OR4C11: variants seen among roughly 807,000 people sequenced by gnomAD.
OR4C11 encodes olfactory receptor 4C11.
OR4C11 carries 15 observed loss-of-function variants against 14.7 expected under a neutral mutation model. The ratio of observed to expected loss-of-function variants is 1.02; its 90% CI spans 0.68 to 1.58. The LOEUF (loss-of-function observed/expected upper bound fraction) is 1.58. Ranked by LOEUF, OR4C11 falls within the 40% of genes most tolerant of loss-of-function variation. The pLI is 0.00. For missense variants in OR4C11, 473 were observed against 383.0 expected (o/e 1.24, Z -1.96); for synonymous variants, 146 against 135.0 (o/e 1.08, Z -0.57).
At position 55,603,249 on chromosome 11, in the gene OR4C11, T is replaced by C. The variant is rs531373187; in HGVS notation, c.*192A>G. 63 of 437,268 alleles carry C rather than the reference T, an allele frequency of 1.4e-4. 4 individuals carry two copies. The South Asian group carries it at 2.2e-3, about 15-fold the overall frequency. The allele number at this position is 437,268 out of a possible 1,614,324, so 27.1% of individuals were successfully genotyped here. ...TAATCACCTGAATTAATCTATATTC[T>C]ACCTAGTTCTGGCACAAAAGACAAT... On this transcript the variant is annotated 3_prime_UTR_variant, in exon 4 of 4. Coordinates refer to ENST00000641580, the MANE Select transcript of OR4C11 (RefSeq NM_001004700.3).
At chr11:55,606,210 G>GCA (rs35363992) in intron 2 of OR4C11, among the ~76,000 whole-genome samples, 24,401 of 132,512 alleles carry the variant, frequency 0.18, 5,462 homozygotes, top group South Asian at 0.41. Flanking sequence ...GCACACGCAC[G>GCA]CACACACACA....
intron 2 of OR4C11, 115 bp downstream of exon 2, chr11:55,606,407 C>T (rs1452805712): frequency 7.2e-6 from 1 of 138,412 alleles, no homozygotes; most frequent in African/African-American, 2.5e-5. Flanking sequence ...GGGGAAATTG[C>T]ATTCTTGGCA....
chr11:55,604,210 C>T lies in OR4C11; in HGVS notation c.164G>A (p.Ser55Asn), dbSNP rs763333827. Residue 55 changes from serine to asparagine, a missense_variant, in exon 4 of 4, where the codon AGC (serine) becomes AAC (asparagine). Coordinates refer to ENST00000641580, the MANE Select transcript of OR4C11 (RefSeq NM_001004700.3). ...VTIKSSRTLG[S>N]PMYFFLFYLS... ...ATAAAATAGAAAGAAGTACATGGGG[C>T]TTCCTAGTGTCCGGCTGGACTTGAT... 3.4e-6 allele frequency: 5 copies of T among 1,482,702 alleles called. 1 individual carries two copies. The highest frequency in any genetic ancestry group is 4.6e-6 in the Non-Finnish European group (5 of 1,089,388). 91.8% of individuals were successfully genotyped at this position (1,482,702 alleles called of 1,614,324 possible).
In OR4C11 at chr11:55,603,711, A is replaced by G; in HGVS notation, c.663T>C (p.His221=). Residue 221 remains histidine, a synonymous_variant, in exon 4 of 4, where the codon CAT becomes CAC. Coordinates refer to ENST00000641580, the MANE Select transcript of OR4C11 (RefSeq NM_001004700.3). ...ILIISYIVIL[H]SLRNHSAKGK... ...CTTTGGCACTGTGGTTTCTCAGTGA[A>G]TGCAAGATGACAATATATGAAATTA... The G allele has an allele frequency of 6.7e-7, 1 of 1,490,118 alleles. No individual in the cohort carries two copies. Among genetic ancestry groups the G allele is most frequent in the Non-Finnish European group, 9.1e-7 (1 of 1,095,174 alleles). The allele number at this position is 1,490,118 out of a possible 1,614,324, so 92.3% of individuals were successfully genotyped here.
In OR4C11 at chr11:55,606,332, C is replaced by T. The variant is rs1857960687; in HGVS notation, c.-207+190G>A. On this transcript the variant is annotated intron_variant, in intron 2 of 3. Coordinates refer to ENST00000641580, the MANE Select transcript of OR4C11 (RefSeq NM_001004700.3). ...ACATCAGTACAATATATACTACACA[C>T]ACCTGCATATTTCTATACATGAATT... Among the ~76,000 whole-genome samples the T allele has an allele frequency of 2.2e-5, 3 of 137,984 alleles. 1 individual carries two copies. Among genetic ancestry groups the T allele is most frequent in the Non-Finnish European group, 3.2e-5 (2 of 62,098 alleles). 90.5% of individuals were successfully genotyped at this position (137,984 alleles called of 152,430 possible).
chr11:55,602,604 G>A lies in OR4C11; in HGVS notation c.*837C>T, dbSNP rs1291038743. ...TTTAGGGAGAACCCACTAGAGACAAGTGTCCTGAGTGTTTTCTGAATTCCT... is the reference window on the plus strand; with the variant it reads ...TTTAGGGAGAACCCACTAGAGACAAATGTCCTGAGTGTTTTCTGAATTCCT... On this transcript the variant is annotated 3_prime_UTR_variant, in exon 4 of 4. Transcript: ENST00000641580. The A allele has an allele frequency of 2.2e-5, 3 of 138,128 alleles. 1 individual carries two copies. Among genetic ancestry groups the A allele is most frequent in the Non-Finnish European group, 3.2e-5 (2 of 62,036 alleles). 8.6% of individuals were successfully genotyped at this position (138,128 alleles called of 1,614,324 possible). A position where few individuals can be genotyped will look rare whatever the true frequency, so the allele number is the denominator to read the frequency against.
At chr11:55,605,900 T>G (rs144341748) in intron 2 of OR4C11, among the ~76,000 whole-genome samples, 4 of 138,600 alleles carry the variant, frequency 2.9e-5, no homozygotes, top group African/African-American at 1.0e-4. Context: ...TTGACAAAGG[T>G]GTGGGAAACC....
chr11:55,606,218 A>G (rs1427920159), intron 2 of OR4C11, among the ~76,000 whole-genome samples: 1 of 138,108 alleles, frequency 7.2e-6, no homozygotes, highest in Non-Finnish European at 1.6e-5. Context: ...ACGCACACAC[A>G]CACACACACA....
chr11:55,605,133 A>G lies in OR4C11; in HGVS notation c.-52T>C, dbSNP rs1258517917. ...TATTTCCTTTTAATTTACCTCTGAA[A>G]ATTTTCTAATTATTTTCAGTTCCAA... On this transcript the variant is annotated 5_prime_UTR_variant, in exon 3 of 4. Coordinates refer to ENST00000641580, the MANE Select transcript of OR4C11 (RefSeq NM_001004700.3). The G allele has an allele frequency of 1.4e-5, 2 of 138,508 alleles. No homozygotes were observed. Among genetic ancestry groups the G allele is most frequent in the African/African-American group, 5.0e-5 (2 of 39,996 alleles). 8.6% of individuals were successfully genotyped at this position (138,508 alleles called of 1,614,324 possible). A position where few individuals can be genotyped will look rare whatever the true frequency, so the allele number is the denominator to read the frequency against.
At chr11:55,605,707 T>C (rs1857951942) in intron 2 of OR4C11, among the ~76,000 whole-genome samples, 1 of 138,278 alleles carries the variant, frequency 7.2e-6, no homozygotes, top group South Asian at 2.3e-4. Flanking sequence ...ATGACACAAA[T>C]GAACATTGGA....
chr11:55,604,338 C>G lies in OR4C11; in HGVS notation c.36G>C (p.Leu12=). The stretch of plus-strand genomic sequence containing the variant: ...TCAAGGGATCCTGTGTTAATCCTAA[C>G]AGTATGAATTCAGGCACACTGTTAT... ...QQNNSVPEFI[L]LGLTQDPLRQ... The change falls in exon 4 of 4, where the codon CTG becomes CTC. Residue 12 remains leucine (L), a synonymous_variant. Coordinates refer to ENST00000641580, the MANE Select transcript of OR4C11 (RefSeq NM_001004700.3). 1 of 1,397,698 alleles carries G rather than the reference C, an allele frequency of 7.2e-7. No homozygotes were observed. The highest frequency in any genetic ancestry group is 2.6e-5 in the East Asian group (1 of 38,176). The allele number at this position is 1,397,698 out of a possible 1,614,324, so 86.6% of individuals were successfully genotyped here. A position where few individuals can be genotyped will look rare whatever the true frequency, so the allele number is the denominator to read the frequency against.
Position 55,604,408 on chromosome 11 carries a change from A to C in OR4C11, c.-35T>G. On this transcript the variant is annotated 5_prime_UTR_variant, in exon 4 of 4. Coordinates refer to ENST00000641580, the MANE Select transcript of OR4C11 (RefSeq NM_001004700.3). ...TGATGTGAAGAAACCACAGATTAGA[A>C]CTAGTTAATCTGCAAAAGAAAAAAA... 2 of 878,424 alleles carry C rather than the reference A, an allele frequency of 2.3e-6. No homozygotes were observed. The highest frequency in any genetic ancestry group is 1.7e-6 in the Non-Finnish European group (1 of 599,418). 54.4% of individuals were successfully genotyped at this position (878,424 alleles called of 1,614,324 possible).
rs1259403640 is a variant in OR4C11 at position 55,606,208 on chromosome 11, A to ATG, written c.-207+313_-207+314insCA. Among the ~76,000 whole-genome samples the ATG allele has an allele frequency of 3.2e-5, 4 of 123,656 alleles. 2 individuals are homozygous for ATG. The highest frequency in any genetic ancestry group is 5.7e-5 in the African/African-American group (2 of 35,126). 81.1% of individuals were successfully genotyped at this position (123,656 alleles called of 152,430 possible). A position where few individuals can be genotyped will look rare whatever the true frequency, so the allele number is the denominator to read the frequency against. On this transcript the variant is annotated intron_variant, in intron 2 of 3. Transcript: ENST00000641580. ...TAGCTGTGTGTTTATATGCACACGC[A>ATG]CGCACACACACACACACACAAAATT...
intron 3 of OR4C11, 72 bp from the exon 4 acceptor site, chr11:55,604,489 T>A: frequency 4.4e-6 from 2 of 459,574 alleles, no homozygotes; most frequent in Middle Eastern, 6.0e-4. Context: ...AAATTGCAAC[T>A]TTCCAATGGC....
Position 55,603,832 on chromosome 11 carries a change from G to T in OR4C11, c.542C>A (p.Pro181His), listed in dbSNP as rs1267206230. ...GTCCATGCAGGCAAGTTTCAACAAG[G>T]GCTGCAAATCACAGCAATAATGATC... is the stretch of plus-strand genomic sequence containing the variant. Reference protein sequence around the residue: ...LIDHYCCDLQPLLKLACMDTY... With the variant: ...LIDHYCCDLQHLLKLACMDTY... Residue 181 changes from proline to histidine, a missense_variant, in exon 4 of 4, where the codon CCC (proline) becomes CAC (histidine). By Grantham distance (77) the Pro-to-His change is moderately conservative. Transcript: ENST00000641580. The T allele has an allele frequency of 3.4e-6, 5 of 1,491,500 alleles. 2 individuals carry two copies. The highest frequency in any genetic ancestry group is 4.6e-6 in the Non-Finnish European group (5 of 1,096,996). The allele number at this position is 1,491,500 out of a possible 1,614,324, so 92.4% of individuals were successfully genotyped here. A position where few individuals can be genotyped will look rare whatever the true frequency, so the allele number is the denominator to read the frequency against.
chr11:55,606,336 T>G (rs61896197), intron 2 of OR4C11, among the ~76,000 whole-genome samples, 186 bp downstream of exon 2: 7,427 of 137,942 alleles, frequency 0.054, 1,626 homozygotes, highest in Non-Finnish European at 0.083. Context: ...TACACACACC[T>G]GCATATTTCT....
At position 55,605,297 on chromosome 11, in the gene OR4C11, G is replaced by A. The variant is rs1403646837; in HGVS notation, c.-206-10C>T. 1 of 137,362 alleles carries A rather than the reference G, an allele frequency of 7.3e-6. No homozygotes were observed. Among genetic ancestry groups the A allele is most frequent in the Non-Finnish European group, 1.6e-5 (1 of 61,954 alleles). 8.5% of individuals were successfully genotyped at this position (137,362 alleles called of 1,614,324 possible). A position where few individuals can be genotyped will look rare whatever the true frequency, so the allele number is the denominator to read the frequency against. On this transcript the variant is annotated splice_polypyrimidine_tract_variant and intron_variant, in intron 2 of 3. Coordinates refer to ENST00000641580, the MANE Select transcript of OR4C11 (RefSeq NM_001004700.3). ...CAAGTAGACACTGAGGCTAAAATGA[G>A]GAAAAAAGTGGAAGAATAATTGACA...
chr11:55,607,278 A>C lies in OR4C11; in HGVS notation c.-365+9T>G, dbSNP rs548433035. The C allele has an allele frequency of 1.4e-5, 2 of 138,648 alleles. No homozygotes were observed. Among genetic ancestry groups the C allele is most frequent in the East Asian group, 4.7e-4 (2 of 4,226 alleles). 8.6% of individuals were successfully genotyped at this position (138,648 alleles called of 1,614,324 possible). A position where few individuals can be genotyped will look rare whatever the true frequency, so the allele number is the denominator to read the frequency against. On this transcript the variant is annotated intron_variant, in intron 1 of 3. Coordinates refer to ENST00000641580, the MANE Select transcript of OR4C11 (RefSeq NM_001004700.3). ...TTATCTCCTACCCACTTCTACCAAC[A>C]GCTCTTACCTGGTAGTGCCCATTTC...
rs1427806005 is a variant in OR4C11, at chr11:55,603,685, C to T, written c.689G>A (p.Gly230Glu). ...GCAAGCGGAGAGAGCCTTTTTCTTC[C>T]CTTTGGCACTGTGGTTTCTCAGTGA... The part of the protein sequence containing the change: ...LHSLRNHSAK[G>E]KKKALSACTS... Residue 230 changes from glycine (G) to glutamate (E), a missense_variant, in exon 4 of 4, where the codon GGG becomes GAG. By Grantham distance (98) the Gly-to-Glu change is moderately conservative. Transcript: ENST00000641580. The T allele has an allele frequency of 6.7e-7, 1 of 1,482,668 alleles. No individual in the cohort carries two copies. The highest frequency in any genetic ancestry group is 1.2e-5 in the South Asian group (1 of 84,676). The allele number at this position is 1,482,668 out of a possible 1,614,324, so 91.8% of individuals were successfully genotyped here. A position where few individuals can be genotyped will look rare whatever the true frequency, so the allele number is the denominator to read the frequency against.
Sources: gnomAD v4.1 joint callset for allele counts (sites outside exome capture counted in the v4.1 genomes callset) on GRCh38, gnomAD v4.1.1 for gene constraint, MANE v1.5 for transcripts, NCBI Gene and HGNC (gene_info 2026-07-23, HGNC 2026-07-21) for gene names.